The following CTNNA2 variants were observed in gnomAD, a reference collection of about 807,000 sequenced individuals.
CTNNA2 encodes the protein catenin alpha-2.
In CTNNA2, 42 loss-of-function variants were observed where a neutral mutation model predicts 101.0. The observed-to-expected ratio is 0.42, with a 90% CI of 0.32 to 0.54. CTNNA2 has a LOEUF of 0.54. Ranked by LOEUF, CTNNA2 falls within the 20% of genes least tolerant of loss-of-function variation. The probability of loss-of-function intolerance (pLI) is 0.14; values close to 1 mark genes in which losing one functional copy is unlikely to be tolerated. For synonymous variants in CTNNA2, 450 were observed against 456.4 expected (o/e 0.99, Z 0.18); for missense variants, 871 against 1,223.1 (o/e 0.71, Z 4.29).
intron 3 of CTNNA2, among the ~76,000 whole-genome samples, chr2:79,774,074 C>G (rs1293852284): frequency 2.6e-5 from 4 of 152,182 alleles, no homozygotes; most frequent in African/African-American, 9.6e-5. Context: ...ATCTGTGAAC[C>G]TGTCTTAACA....
intron 1 of CTNNA2, among the ~76,000 whole-genome samples, chr2:79,527,158 C>CAGCTT (rs1299049649): frequency 6.6e-6 from 1 of 151,972 alleles, no homozygotes. Flanking sequence ...AGAATGATTA[C>CAGCTT]AGCTTAATAG....
chr2:80,239,282 G>A (rs1219609839), intron 7 of CTNNA2, among the ~76,000 whole-genome samples: 2 of 152,128 alleles, frequency 1.3e-5, no homozygotes, highest in African/African-American at 4.8e-5. Flanking sequence ...CTAGAGTTGA[G>A]ACCTGGGTAA....
At chr2:79,715,219 A>AAAAAC (rs1251586807) in intron 2 of CTNNA2, among the ~76,000 whole-genome samples, 1 of 150,658 alleles carries the variant, frequency 6.6e-6, no homozygotes, top group African/African-American at 2.4e-5. Context: ...AAAAAAAAAA[A>AAAAAC]AAAAAAAAAA....
chr2:79,771,763 T>A (rs1038015846), intron 3 of CTNNA2, among the ~76,000 whole-genome samples: 5 of 152,138 alleles, frequency 3.3e-5, no homozygotes, highest in African/African-American at 1.2e-4. Context: ...GCTGCTTACC[T>A]CCTGCTGTGA....
chr2:80,057,958 CA>C lies in CTNNA2; in HGVS notation c.1056+148168del, dbSNP rs567579410. Reference sequence around the variant, plus strand: ...ATACCTTTCATACTAAAAATGAGAACAAAAAAACAACCTAGCTAGGAAAAAA... The same window carrying C: ...ATACCTTTCATACTAAAAATGAGAACAAAAAACAACCTAGCTAGGAAAAAA... On this transcript the variant is annotated intron_variant, in intron 7 of 18. Coordinates refer to ENST00000402739, the MANE Select transcript of CTNNA2 (RefSeq NM_001282597.3). Among the ~76,000 whole-genome samples, 32 of 151,966 alleles carry C rather than the reference CA, an allele frequency of 2.1e-4. No individual in the cohort carries two copies. In the East Asian group the frequency reaches 5.8e-3, roughly 28 times the overall value.
intron 7 of CTNNA2, among the ~76,000 whole-genome samples, chr2:80,220,051 C>T (rs1350192538): frequency 1.3e-5 from 2 of 152,180 alleles, no homozygotes; most frequent in African/African-American, 4.8e-5. Flanking sequence ...TGTGCAATTG[C>T]ATCCCTTTAA....
intron 3 of CTNNA2, among the ~76,000 whole-genome samples, chr2:79,821,409 A>G (rs1000607961): frequency 3.3e-5 from 5 of 152,062 alleles, no homozygotes; most frequent in South Asian, 4.2e-4. Flanking sequence ...TGGTCTAGCT[A>G]TGTTGCCCAG....
intron 2 of CTNNA2, among the ~76,000 whole-genome samples, chr2:79,259,492 G>GCCAT (rs1328512861): frequency 6.6e-6 from 1 of 152,186 alleles, no homozygotes; most frequent in Admixed American, 6.5e-5. Flanking sequence ...TGTGGGTAGG[G>GCCAT]CCATGTGTAC....
At chr2:80,489,192 T>C (rs192176809) in intron 9 of CTNNA2, among the ~76,000 whole-genome samples, 1 of 152,290 alleles carries the variant, frequency 6.6e-6, no homozygotes, top group East Asian at 1.9e-4. Context: ...GCAGGTCTTT[T>C]TCATACATTT....
intron 3 of CTNNA2, among the ~76,000 whole-genome samples, chr2:79,785,300 C>T (rs1262712649): frequency 6.9e-6 from 1 of 144,250 alleles, no homozygotes; most frequent in Admixed American, 6.8e-5. Flanking sequence ...CTTCCCCTTA[C>T]TCACATCCCT....
At chr2:80,202,540 A>G (rs1707271592) in intron 7 of CTNNA2, among the ~76,000 whole-genome samples, 2 of 152,184 alleles carry the variant, frequency 1.3e-5, no homozygotes, top group African/African-American at 4.8e-5. Flanking sequence ...GCAAACCTTG[A>G]TAATCAGTGA....
At chr2:79,930,863 C>A in intron 7 of CTNNA2, among the ~76,000 whole-genome samples, 1 of 152,058 alleles carries the variant, frequency 6.6e-6, no homozygotes, top group Non-Finnish European at 1.5e-5. Flanking sequence ...TTGGAATATC[C>A]CTGGCTTGTT....
chr2:80,382,656 AGGTCAAGACTGT>A (rs753321317), intron 7 of CTNNA2, among the ~76,000 whole-genome samples: 1 of 152,226 alleles, frequency 6.6e-6, no homozygotes, highest in Non-Finnish European at 1.5e-5. Flanking sequence ...AGGCACAGGG[AGGTCAAGACTGT>A]GGATCCCCAC....
intron 9 of CTNNA2, among the ~76,000 whole-genome samples, chr2:80,543,192 A>T (rs2149624760): frequency 6.6e-6 from 1 of 152,354 alleles, no homozygotes; most frequent in South Asian, 2.1e-4. Flanking sequence ...TGTAAAATGA[A>T]CCAGAATATA....
chr2:80,252,365 C>T (rs544841136), intron 7 of CTNNA2, among the ~76,000 whole-genome samples: 1 of 152,226 alleles, frequency 6.6e-6, no homozygotes, highest in Non-Finnish European at 1.5e-5. Flanking sequence ...CTTTACTTTT[C>T]TGTTTAGTGG....
intron 8 of CTNNA2, among the ~76,000 whole-genome samples, chr2:80,403,625 C>T (rs1678784150): frequency 6.6e-6 from 1 of 152,208 alleles, no homozygotes; most frequent in African/African-American, 2.4e-5. Flanking sequence ...TTACTCTACA[C>T]ATAATGTTTA....
intron 3 of CTNNA2, among the ~76,000 whole-genome samples, chr2:79,332,948 G>GA (rs11427153): frequency 0.16 from 24,320 of 150,982 alleles, 2,144 homozygotes; most frequent in East Asian, 0.3. Flanking sequence ...GCTCTAAATG[G>GA]AAAAAAAAAT....
intron 3 of CTNNA2, among the ~76,000 whole-genome samples, chr2:79,767,034 G>A (rs910582546): frequency 4.0e-5 from 6 of 151,888 alleles, no homozygotes; most frequent in Non-Finnish European, 7.4e-5. Flanking sequence ...GATTACAGGC[G>A]TGAGCCACTG....
At chr2:79,846,693 G>T (rs535025570) in intron 3 of CTNNA2, among the ~76,000 whole-genome samples, 20 of 152,322 alleles carry the variant, frequency 1.3e-4, no homozygotes, top group Admixed American at 1.2e-3. Flanking sequence ...TTCTGGTCTG[G>T]ACTGTGCCCT....
Sources: allele counts gnomAD v4.1 joint callset (sites outside exome capture counted in the v4.1 genomes callset), GRCh38; gene constraint gnomAD v4.1.1; transcripts MANE v1.5; gene names NCBI Gene and HGNC (gene_info 2026-07-23, HGNC 2026-07-21).